Variants in CHKA observed in about 807,000 individuals in gnomAD.
CHKA encodes the protein CHETK-alpha.
CHKA carries 34 observed loss-of-function variants against 60.1 expected under a neutral mutation model. The ratio of observed to expected loss-of-function variants is 0.57; its 90% CI spans 0.43 to 0.75. The LOEUF (loss-of-function observed/expected upper bound fraction) is 0.75. CHKA is among the 30% of genes least tolerant of loss of function. CHKA has a pLI of 0.00. For missense variants in CHKA, 563 were observed against 561.3 expected, an observed-to-expected ratio of 1.00 and a Z score of -0.03; for synonymous variants, 217 against 223.1, an observed-to-expected ratio of 0.97 and a Z score of 0.24.
intron 1 of CHKA, among the ~76,000 whole-genome samples, chr11:68,117,740 A>T (rs1858446271): frequency 6.6e-6 from 1 of 152,202 alleles, no homozygotes; most frequent in Non-Finnish European, 1.5e-5. Flanking sequence ...GACCATGCAA[A>T]CAAGTTTGGA....
At chr11:68,081,567 A>G in intron 2 of CHKA, 110 bp from the exon 3 acceptor site, 1 of 855,382 alleles carries the variant, frequency 1.2e-6, no homozygotes, top group South Asian at 1.5e-5. Flanking sequence ...CAGGTCTTTA[A>G]GGAAGGTTTC....
intron 7 of CHKA, 44 bp downstream of exon 7, chr11:68,068,835 T>C: frequency 7.2e-7 from 1 of 1,380,490 alleles, no homozygotes; most frequent in Non-Finnish European, 1.0e-6. Flanking sequence ...ATTTTCTAAG[T>C]ATGCACACAA....
intron 11 of CHKA, among the ~76,000 whole-genome samples, chr11:68,056,835 C>T (rs183664792): frequency 4.6e-5 from 7 of 151,956 alleles, no homozygotes; most frequent in Admixed American, 4.6e-4. Context: ...CACAGTGAGA[C>T]CCTGTCTTAA....
At chr11:68,085,580 T>C (rs1443651409) in intron 2 of CHKA, among the ~76,000 whole-genome samples, 2 of 152,088 alleles carry the variant, frequency 1.3e-5, no homozygotes, top group Admixed American at 6.6e-5. Context: ...TTCCTGAAAG[T>C]CTGAATTATA....
At chr11:68,096,967 G>T (rs1472458278) in intron 2 of CHKA, 52 bp downstream of exon 2, 4 of 1,267,592 alleles carry the variant, frequency 3.2e-6, no homozygotes, top group South Asian at 1.3e-5. Flanking sequence ...CAGCAAAGAG[G>T]ATTTAAAATG....
Position 68,065,854 on chromosome 11 carries a change from C to G in CHKA, c.1057G>C (p.Asp353His). The G allele has an allele frequency of 6.2e-7, 1 of 1,606,316 alleles. No individual in the cohort carries two copies. ...AAAGGGTATTTTTCATAGCTATAAT[C>G]ATACATCCACTCACAGAAGTGATTT... Reference protein sequence around the residue: ...IGNHFCEWMYDYSYEKYPFFR... With the variant: ...IGNHFCEWMYHYSYEKYPFFR... The change falls in exon 9 of 12, where the codon GAT becomes CAT. Residue 353 changes from aspartate (D) to histidine (H), a missense_variant. Coordinates refer to ENST00000265689, the MANE Select transcript of CHKA (RefSeq NM_001277.3).
intron 1 of CHKA, among the ~76,000 whole-genome samples, chr11:68,108,521 G>A (rs1590880630): frequency 6.6e-6 from 1 of 152,328 alleles, no homozygotes; most frequent in East Asian, 1.9e-4. Flanking sequence ...AAGGCGGGAG[G>A]ATCACGAGGT....
At chr11:68,099,413 T>C (rs1433738874) in intron 1 of CHKA, among the ~76,000 whole-genome samples, 1 of 152,234 alleles carries the variant, frequency 6.6e-6, no homozygotes, top group Non-Finnish European at 1.5e-5. Context: ...AAGACATATT[T>C]AAGAGGTTTT....
chr11:68,118,637 C>A (rs1251776490), intron 1 of CHKA, among the ~76,000 whole-genome samples: 6 of 152,204 alleles, frequency 3.9e-5, no homozygotes. Flanking sequence ...TCCTAAATCA[C>A]CTTTTTTTCT....
chr11:68,074,926 T>C (rs953956979), intron 3 of CHKA, 96 bp from the exon 4 acceptor site: 1 of 1,072,600 alleles, frequency 9.3e-7, no homozygotes, highest in Admixed American at 2.0e-5. Context: ...CTGATCCTCA[T>C]GAGTATTCTT....
chr11:68,119,209 T>C (rs77055773), intron 1 of CHKA, among the ~76,000 whole-genome samples: 7,379 of 152,312 alleles, frequency 0.048, 215 homozygotes, highest in African/African-American at 0.082. Flanking sequence ...TTCTTTTCTC[T>C]GCTTCCTTAC....
intron 7 of CHKA, among the ~76,000 whole-genome samples, chr11:68,067,222 GCT>G (rs1395744392): frequency 6.6e-6 from 1 of 152,204 alleles, no homozygotes; most frequent in African/African-American, 2.4e-5. Flanking sequence ...GTTTTCAGCA[GCT>G]CTCTCTCCTT....
chr11:68,079,848 C>T (rs1230863646), intron 3 of CHKA, among the ~76,000 whole-genome samples: 1 of 152,100 alleles, frequency 6.6e-6, no homozygotes, highest in Non-Finnish European at 1.5e-5. Flanking sequence ...TGTAGCGGCC[C>T]TTTGGCCTAT....
chr11:68,066,337 AT>A, intron 8 of CHKA, 91 bp downstream of exon 8: 1 of 1,112,218 alleles, frequency 9.0e-7, no homozygotes, highest in Non-Finnish European at 1.4e-6. Flanking sequence ...TCAGAGCGGC[AT>A]TTTGACTTAT....
At chr11:68,100,338 C>T (rs1857661394) in intron 1 of CHKA, among the ~76,000 whole-genome samples, 1 of 152,138 alleles carries the variant, frequency 6.6e-6, no homozygotes, top group East Asian at 1.9e-4. Flanking sequence ...GCCTGTAATC[C>T]TAGCACTTTG....
At chr11:68,120,306 AAC>A (rs1371739846) in intron 1 of CHKA, among the ~76,000 whole-genome samples, 2 of 152,152 alleles carry the variant, frequency 1.3e-5, no homozygotes, top group Non-Finnish European at 2.9e-5. Flanking sequence ...TTTGTCTAGT[AAC>A]ACAGCTATAG....
rs750213357 is a variant in CHKA, at chr11:68,121,326, G to GCGGCGGCGA, written c.-150_-149insTCGCCGCCG. The GCGGCGGCGA allele has an allele frequency of 1.0e-4, 28 of 278,548 alleles. No individual in the cohort carries two copies. The highest frequency in any genetic ancestry group is 1.5e-4 in the Non-Finnish European group (27 of 180,838). 17.3% of individuals were successfully genotyped at this position (278,548 alleles called of 1,614,324 possible). Reference sequence around the variant, plus strand: ...TTGGGCGCGCGGGGCGGCGGCGGCGGCTGCGGCGACTGCGGCGACTGTGGA... The same window carrying GCGGCGGCGA: ...TTGGGCGCGCGGGGCGGCGGCGGCGGCGGCGGCGACTGCGGCGACTGCGGCGACTGTGGA... On this transcript the variant is annotated 5_prime_UTR_variant, in exon 1 of 12. Coordinates refer to ENST00000265689, the MANE Select transcript of CHKA (RefSeq NM_001277.3).
At chr11:68,082,720 G>C (rs1275221580) in intron 2 of CHKA, among the ~76,000 whole-genome samples, 1 of 152,158 alleles carries the variant, frequency 6.6e-6, no homozygotes, top group African/African-American at 2.4e-5. Flanking sequence ...AAGTATCCAT[G>C]TTCATAAATC....
chr11:68,100,434 A>C (rs1465273397), intron 1 of CHKA, among the ~76,000 whole-genome samples: 1 of 151,950 alleles, frequency 6.6e-6, no homozygotes, highest in Non-Finnish European at 1.5e-5. Context: ...TACTAAAAAT[A>C]CAAAAATTAG....
Sources: gnomAD v4.1 joint callset for allele counts (sites outside exome capture counted in the v4.1 genomes callset) on GRCh38, gnomAD v4.1.1 for gene constraint, MANE v1.5 for transcripts, NCBI Gene and HGNC (gene_info 2026-07-23, HGNC 2026-07-21) for gene names.